RAPH1: variants seen among roughly 807,000 people sequenced by gnomAD.
The protein encoded by RAPH1 is ras-associated and pleckstrin homology domains-containing protein 1.
Under a neutral mutation model 88.1 loss-of-function variants are expected in RAPH1, and 18 were observed. The observed-to-expected ratio is 0.20, with a 90% CI of 0.14 to 0.30. The LOEUF (loss-of-function observed/expected upper bound fraction) is 0.30, where lower values mean the gene tolerates loss of function less well. RAPH1 is among the 10% of genes least tolerant of loss of function. The probability of loss-of-function intolerance (pLI) is 1.00; values close to 1 mark genes in which losing one functional copy is unlikely to be tolerated. For missense variants in RAPH1, 1,448 were observed against 1,543.2 expected (o/e 0.94, Z 1.03); for synonymous variants, 587 against 559.0 (o/e 1.05, Z -0.71).
intron 1 of RAPH1, among the ~76,000 whole-genome samples, chr2:203,521,943 ATAT>A (rs1188793259): frequency 1.3e-5 from 2 of 152,138 alleles, no homozygotes; most frequent in African/African-American, 4.8e-5. Context: ...ATTTCCATTA[ATAT>A]TATTAGTGAA....
chr2:203,528,995 ATATATATATATTTT>A (rs1289087660), intron 1 of RAPH1, among the ~76,000 whole-genome samples: 2 of 79,534 alleles, frequency 2.5e-5, no homozygotes, highest in Non-Finnish European at 4.7e-5. Flanking sequence ...ATATATATAT[ATATATATATATTTT>A]TTTTTTTTTT....
At chr2:203,487,241 CAAAG>C in intron 4 of RAPH1, among the ~76,000 whole-genome samples, 1 of 152,276 alleles carries the variant, frequency 6.6e-6, no homozygotes, top group African/African-American at 2.4e-5. Context: ...ACATACAAAA[CAAAG>C]AATGGCCAAG....
At chr2:203,522,706 A>T (rs1306127898) in intron 1 of RAPH1, among the ~76,000 whole-genome samples, 1 of 151,986 alleles carries the variant, frequency 6.6e-6, no homozygotes, top group Non-Finnish European at 1.5e-5. Context: ...GTTCGAGACC[A>T]GCCTGGCCAA....
chr2:203,503,082 T>A (rs1408060861), intron 1 of RAPH1, among the ~76,000 whole-genome samples: 1 of 152,078 alleles, frequency 6.6e-6, no homozygotes, highest in East Asian at 1.9e-4. Flanking sequence ...AGGTAGAGGT[T>A]GCAGTGAGCC....
chr2:203,500,242 G>C (rs540287271), intron 1 of RAPH1, among the ~76,000 whole-genome samples: 209 of 152,292 alleles, frequency 1.4e-3, no homozygotes, highest in African/African-American at 4.7e-3. Flanking sequence ...TGAGAAGATA[G>C]GAAAGTGGTG....
At position 203,519,333 on chromosome 2, in the gene RAPH1, A is replaced by G. The variant is rs1689762379; in HGVS notation, c.-1+15778T>C. ...AGATTTATCTCAAGTATGCAAGGCT[A>G]GCTTAACATTTGAAAATCAATTAAT... On this transcript the variant is annotated intron_variant, in intron 1 of 13. Transcript: ENST00000319170. Among the ~76,000 whole-genome samples the G allele has an allele frequency of 2.0e-5, 3 of 152,228 alleles. No individual in the cohort carries two copies. The South Asian group carries it at 6.2e-4, about 32-fold the overall frequency.
In RAPH1 at chr2:203,444,856, C is replaced by G; in HGVS notation, c.1776+12G>C. On this transcript the variant is annotated intron_variant, in intron 13 of 13. Coordinates refer to ENST00000319170, the MANE Select transcript of RAPH1 (RefSeq NM_213589.3). Reference sequence around the variant, plus strand: ...ACAGAATTTTCAATGTAAATTAAAACGAAGCTGTTACCTTGCTGGACTCTT... The same window carrying G: ...ACAGAATTTTCAATGTAAATTAAAAGGAAGCTGTTACCTTGCTGGACTCTT... 1 of 1,610,862 alleles carries G rather than the reference C, an allele frequency of 6.2e-7. No individual in the cohort carries two copies. Among genetic ancestry groups the G allele is most frequent in the Non-Finnish European group, 8.5e-7 (1 of 1,178,810 alleles).
At chr2:203,486,419 T>G (rs1687974922) in intron 4 of RAPH1, among the ~76,000 whole-genome samples, 1 of 151,874 alleles carries the variant, frequency 6.6e-6, no homozygotes, top group African/African-American at 2.4e-5. Context: ...AAGGGAGAAG[T>G]GAGAAGAAGC....
intron 1 of RAPH1, among the ~76,000 whole-genome samples, chr2:203,528,370 C>T (rs955089349): frequency 1.3e-5 from 2 of 152,070 alleles, no homozygotes; most frequent in African/African-American, 2.4e-5. Flanking sequence ...ATTTTGAATC[C>T]ATTTATTAAA....
chr2:203,438,388 T>C lies in RAPH1; in HGVS notation c.*1049A>G. 1 of 349,980 alleles carries C rather than the reference T, an allele frequency of 2.9e-6. No individual in the cohort carries two copies. Among genetic ancestry groups the C allele is most frequent in the South Asian group, 2.2e-5 (1 of 46,006 alleles). The allele number at this position is 349,980 out of a possible 1,614,324, so 21.7% of individuals were successfully genotyped here. A position where few individuals can be genotyped will look rare whatever the true frequency, so the allele number is the denominator to read the frequency against. On this transcript the variant is annotated 3_prime_UTR_variant, in exon 14 of 14. Transcript: ENST00000319170. ...TTTTAGAAAATGATTTTGTTTTTCA[T>C]AATGCACCATATTGGGGCACAGGAT...
rs1690568535 is a variant in RAPH1, at chr2:203,535,258, G to GTGACTGACTGAGTGAC, written c.-149_-148insGTCACTCAGTCAGTCA. ...CAGCAGCTCCCGCGCCGCGCGCTCA[G>GTGACTGACTGAGTGAC]TGACTGACTGACTGACTGACTGACT... On this transcript the variant is annotated 5_prime_UTR_variant, in exon 1 of 14. Transcript: ENST00000319170. 6.8e-6 allele frequency: 1 copy of GTGACTGACTGAGTGAC among 146,522 alleles called. No individual in the cohort carries two copies. The highest frequency in any genetic ancestry group is 6.8e-5 in the Admixed American group (1 of 14,760). 9.1% of individuals were successfully genotyped at this position (146,522 alleles called of 1,614,324 possible). A position where few individuals can be genotyped will look rare whatever the true frequency, so the allele number is the denominator to read the frequency against.
intron 2 of RAPH1, among the ~76,000 whole-genome samples, chr2:203,492,516 CTG>C (rs922266963): frequency 3.9e-5 from 6 of 152,182 alleles, no homozygotes; most frequent in African/African-American, 1.4e-4. Flanking sequence ...TTGAATCATA[CTG>C]TATACTTTGG....
intron 4 of RAPH1, among the ~76,000 whole-genome samples, chr2:203,468,593 G>C (rs1209340850): frequency 6.6e-6 from 1 of 151,682 alleles, no homozygotes; most frequent in Non-Finnish European, 1.5e-5. Flanking sequence ...TTACATGCTT[G>C]CTTGTCACTG....
intron 8 of RAPH1, among the ~76,000 whole-genome samples, chr2:203,456,669 G>T (rs968627576): frequency 1.3e-5 from 2 of 152,084 alleles, no homozygotes; most frequent in South Asian, 4.1e-4. Flanking sequence ...TTACTTAACC[G>T]TAGTTAGTAT....
intron 4 of RAPH1, among the ~76,000 whole-genome samples, chr2:203,471,382 C>A (rs1039130375): frequency 2.0e-5 from 3 of 152,192 alleles, no homozygotes; most frequent in African/African-American, 4.8e-5. Flanking sequence ...GAGGCCAAGG[C>A]AGGCAGATCT....
At chr2:203,525,676 C>T (rs1266615337) in intron 1 of RAPH1, among the ~76,000 whole-genome samples, 6 of 152,010 alleles carry the variant, frequency 3.9e-5, no homozygotes, top group Non-Finnish European at 5.9e-5. Context: ...ACTTGGGAGG[C>T]TGAGGTGGAA....
At chr2:203,447,743 C>G in intron 12 of RAPH1, 2 of 376,388 alleles carry the variant, frequency 5.3e-6, no homozygotes, top group Non-Finnish European at 9.4e-6. Flanking sequence ...CTTTAGAAAT[C>G]TATATACTGA....
At chr2:203,452,031 CTTGGG>C (rs1271938541) in intron 10 of RAPH1, among the ~76,000 whole-genome samples, 1 of 152,166 alleles carries the variant, frequency 6.6e-6, no homozygotes, top group African/African-American at 2.4e-5. Context: ...CAGCAGCCAT[CTTGGG>C]ACTGTGAGGT....
intron 1 of RAPH1, among the ~76,000 whole-genome samples, chr2:203,507,785 C>T (rs1689152705): frequency 6.6e-6 from 1 of 152,174 alleles, no homozygotes; most frequent in African/African-American, 2.4e-5. Context: ...AATATCTAAA[C>T]ATAGCCATAA....
Sources: allele counts gnomAD v4.1 joint callset (sites outside exome capture counted in the v4.1 genomes callset), GRCh38; gene constraint gnomAD v4.1.1; transcripts MANE v1.5; gene names NCBI Gene and HGNC (gene_info 2026-07-23, HGNC 2026-07-21).